Variants in RSF1 observed in about 807,000 individuals in gnomAD.
The protein encoded by RSF1 is remodeling and spacing factor 1, also known as HBV pX-associated protein 8.
Under a neutral mutation model 145.2 loss-of-function variants are expected in RSF1, and 13 were observed. That is an observed-to-expected ratio of 0.09 (90% CI 0.06 to 0.14). The LOEUF is 0.14. Ranked by LOEUF, RSF1 falls within the 10% of genes least tolerant of loss-of-function variation. The pLI is 1.00. For missense variants in RSF1, 1,517 were observed against 1,718.2 expected, an observed-to-expected ratio of 0.88 and a Z score of 2.07; for synonymous variants, 577 against 592.6, an observed-to-expected ratio of 0.97 and a Z score of 0.38.
intron 2 of RSF1, among the ~76,000 whole-genome samples, chr11:77,759,965 C>T (rs1415085185): frequency 6.6e-6 from 1 of 151,688 alleles, no homozygotes; most frequent in African/African-American, 2.4e-5. Flanking sequence ...TCATAAATTG[C>T]TATGAATACA....
chr11:77,688,459 C>G (rs780976222), intron 9 of RSF1, among the ~76,000 whole-genome samples: 1 of 152,092 alleles, frequency 6.6e-6, no homozygotes, highest in South Asian at 2.1e-4. Flanking sequence ...AGTTTTTATT[C>G]GTGATTTAAT....
At chr11:77,758,814 T>C (rs1327096283) in intron 2 of RSF1, among the ~76,000 whole-genome samples, 1 of 152,198 alleles carries the variant, frequency 6.6e-6, no homozygotes, top group Non-Finnish European at 1.5e-5. Flanking sequence ...GCTCCTTATA[T>C]GTATTCCAAA....
At chr11:77,778,099 T>G in intron 1 of RSF1, among the ~76,000 whole-genome samples, 1 of 3,136 alleles carries the variant, frequency 3.2e-4, no homozygotes. Context: ...AGATCCTGTC[T>G]TGGGAAGGGG....
intron 5 of RSF1, among the ~76,000 whole-genome samples, chr11:77,719,319 C>A (rs987794381): frequency 2.0e-5 from 3 of 152,160 alleles, no homozygotes; most frequent in African/African-American, 4.8e-5. Flanking sequence ...TGAAATAATT[C>A]TTGGTCTTTG....
intron 3 of RSF1, among the ~76,000 whole-genome samples, chr11:77,745,190 T>G (rs1474236396): frequency 6.6e-6 from 1 of 152,172 alleles, no homozygotes; most frequent in East Asian, 1.9e-4. Context: ...AGCTAAAGGT[T>G]GTCAGTTTTG....
chr11:77,806,731 G>A (rs2135983355), intron 1 of RSF1, among the ~76,000 whole-genome samples: 1 of 151,450 alleles, frequency 6.6e-6, no homozygotes, highest in South Asian at 2.1e-4. Flanking sequence ...AAGATGGGGA[G>A]GACCCAGAAG....
At chr11:77,792,582 A>G (rs1306172128) in intron 1 of RSF1, among the ~76,000 whole-genome samples, 1 of 152,166 alleles carries the variant, frequency 6.6e-6, no homozygotes, top group African/African-American at 2.4e-5. Flanking sequence ...GCCTCTACTA[A>G]TAACCAGACC....
chr11:77,729,000 T>C (rs1257396913), intron 4 of RSF1, among the ~76,000 whole-genome samples: 1 of 152,118 alleles, frequency 6.6e-6, no homozygotes, highest in East Asian at 1.9e-4. Flanking sequence ...GATTTGCTGT[T>C]AGGGTAGATG....
At chr11:77,781,458 T>C (rs1383449087) in intron 1 of RSF1, among the ~76,000 whole-genome samples, 2 of 152,236 alleles carry the variant, frequency 1.3e-5, no homozygotes, top group East Asian at 3.8e-4. Flanking sequence ...AGTCTTTGTA[T>C]AGACATACAT....
chr11:77,867,385 G>C, the RSF1 span, among the ~76,000 whole-genome samples: 1 of 152,038 alleles, frequency 6.6e-6, no homozygotes, highest in African/African-American at 2.4e-5. Flanking sequence ...TTTCCCACTT[G>C]GGTTTATTCA....
intron 15 of RSF1, among the ~76,000 whole-genome samples, chr11:77,668,325 ATG>A (rs1959426448): frequency 2.0e-5 from 3 of 152,226 alleles, no homozygotes; most frequent in African/African-American, 7.2e-5. Context: ...TTGGGGGAAG[ATG>A]TCTGATAATG....
chr11:77,821,402 G>A (rs546301848), upstream of RSF1, among the ~76,000 whole-genome samples: 1 of 152,286 alleles, frequency 6.6e-6, no homozygotes, highest in African/African-American at 2.4e-5. Context: ...GGGCTGGGCT[G>A]GGACCTCGGT....
chr11:77,736,544 A>T (rs1170477810), intron 4 of RSF1, among the ~76,000 whole-genome samples: 2 of 152,244 alleles, frequency 1.3e-5, no homozygotes, highest in African/African-American at 4.8e-5. Flanking sequence ...TGAGGAGGCA[A>T]AAATTATTAC....
chr11:77,725,631 T>G lies in RSF1; in HGVS notation c.647A>C (p.Asn216Thr), dbSNP rs1961036687. 1 of 1,611,084 alleles carries G rather than the reference T, an allele frequency of 6.2e-7. No individual in the cohort carries two copies. Among genetic ancestry groups the G allele is most frequent in the South Asian group, 1.1e-5 (1 of 90,762 alleles). ...AGAAGAGTTGTCTTGTTGGCTAGAG[T>G]TTTTCAATAGTACAGGATCAATTTG... is the stretch of plus-strand genomic sequence containing the variant. The part of the protein sequence containing the change: ...KAQIDPVLLK[N>T]SSQQDNSSRE... Residue 216 changes from asparagine to threonine, a missense_variant, in exon 5 of 16, where the codon AAC (asparagine) becomes ACC (threonine). Physicochemically the swap from Asn to Thr is moderately conservative, Grantham distance 65. Transcript: ENST00000308488.
At chr11:77,789,723 G>C (rs1182039063) in intron 1 of RSF1, among the ~76,000 whole-genome samples, 1 of 152,180 alleles carries the variant, frequency 6.6e-6, no homozygotes, top group African/African-American at 2.4e-5. Context: ...CCCCGCACCT[G>C]CCCACTACTG....
chr11:77,792,166 G>C (rs114796426), intron 1 of RSF1, among the ~76,000 whole-genome samples: 3,157 of 152,214 alleles, frequency 0.021, 113 homozygotes, highest in African/African-American at 0.073. Context: ...CAGGCAGAGA[G>C]AGCTTGTGCA....
At chr11:77,727,330 G>A (rs939971864) in intron 4 of RSF1, among the ~76,000 whole-genome samples, 18 of 152,028 alleles carry the variant, frequency 1.2e-4, no homozygotes, top group Admixed American at 5.9e-4. Flanking sequence ...CATATGCAAC[G>A]AATGGCTCGA....
At position 77,702,300 on chromosome 11, in the gene RSF1, T is replaced by A. The variant is rs1481361558; in HGVS notation, c.929A>T (p.Glu310Val). 1 of 1,609,202 alleles carries A rather than the reference T, an allele frequency of 6.2e-7. No individual in the cohort carries two copies. The highest frequency in any genetic ancestry group is 8.5e-7 in the Non-Finnish European group (1 of 1,178,994). ...PENEEKKIIK[E>V]ESDSFKENVK... ...ATTTTCCTTGAAGGAATCACTTTCT[T>A]CTTTGATAATCTTTTTTTCTTCATT... Residue 310 changes from glutamate to valine, a missense_variant, in exon 6 of 16, where the codon GAA (glutamate) becomes GTA (valine). Around this residue, in one of 12 missense-constraint regions of RSF1, gnomAD observed 207 missense variants for 191.4 expected, o/e 1.08. Transcript: ENST00000308488.
intron 1 of RSF1, among the ~76,000 whole-genome samples, chr11:77,790,940 G>C (rs1948511250): frequency 6.6e-6 from 1 of 152,200 alleles, no homozygotes; most frequent in Non-Finnish European, 1.5e-5. Flanking sequence ...CAGGCACATG[G>C]TGCAAGCTCT....
Sources: gnomAD v4.1 joint callset for allele counts (sites outside exome capture counted in the v4.1 genomes callset) on GRCh38, gnomAD v4.1.1 for gene constraint, gnomAD v4.1.1 regional missense constraint, MANE v1.5 for transcripts, NCBI Gene and HGNC (gene_info 2026-07-23, HGNC 2026-07-21) for gene names.